Variants in MSRA observed in about 807,000 individuals in gnomAD.
MSRA encodes the protein methionine sulfoxide reductase A, also known as mitochondrial peptide methionine sulfoxide reductase.
Under a neutral mutation model 31.3 loss-of-function variants are expected in MSRA, and 54 were observed. The observed-to-expected ratio is 1.73, with a 90% CI of 1.39 to 2.17. The LOEUF is 2.17. MSRA is among the 30% of genes most tolerant of loss of function. The pLI is 0.00. For synonymous variants in MSRA, 169 were observed against 116.5 expected (o/e 1.45, Z -2.90); for missense variants, 507 against 300.9 (o/e 1.69, Z -5.07).
chr8:10,197,266 G>A (rs1452835508), intron 1 of MSRA, among the ~76,000 whole-genome samples: 1 of 152,128 alleles, frequency 6.6e-6, no homozygotes, highest in Non-Finnish European at 1.5e-5. Context: ...TATCACAGAC[G>A]CCTAAGTTAG....
chr8:10,067,578 T>C (rs1247707991), intron 1 of MSRA, among the ~76,000 whole-genome samples: 1 of 152,250 alleles, frequency 6.6e-6, no homozygotes. Context: ...TTGTATGGTA[T>C]ATGTAGTTCC....
At chr8:10,363,102 C>G (rs550383707) in intron 5 of MSRA, among the ~76,000 whole-genome samples, 1 of 152,198 alleles carries the variant, frequency 6.6e-6, no homozygotes, top group African/African-American at 2.4e-5. Flanking sequence ...ATTTTCCCCC[C>G]AGAAATGTCC....
intron 1 of MSRA, among the ~76,000 whole-genome samples, chr8:10,135,371 G>C (rs963401332): frequency 6.6e-6 from 1 of 152,156 alleles, no homozygotes; most frequent in Non-Finnish European, 1.5e-5. Flanking sequence ...AGAGAGTTTT[G>C]CCAGTTCCAT....
At chr8:10,130,621 C>T (rs1391442122) in intron 1 of MSRA, among the ~76,000 whole-genome samples, 1 of 152,192 alleles carries the variant, frequency 6.6e-6, no homozygotes, top group East Asian at 1.9e-4. Flanking sequence ...TATGCACACA[C>T]ACAGAGACCG....
intron 3 of MSRA, among the ~76,000 whole-genome samples, chr8:10,294,517 A>G (rs2129119780): frequency 6.6e-6 from 1 of 152,248 alleles, no homozygotes; most frequent in Middle Eastern, 3.4e-3. Context: ...CACAGCTGCT[A>G]AGTGACCAGG....
intron 5 of MSRA, among the ~76,000 whole-genome samples, chr8:10,403,478 G>C (rs1807593513): frequency 6.6e-6 from 1 of 152,248 alleles, no homozygotes; most frequent in Non-Finnish European, 1.5e-5. Context: ...GCTAGGCCCT[G>C]GCTGGGACTA....
chr8:10,178,242 G>A (rs993833204), intron 1 of MSRA, among the ~76,000 whole-genome samples: 4 of 152,076 alleles, frequency 2.6e-5, no homozygotes, highest in African/African-American at 9.6e-5. Flanking sequence ...GATAGATTTC[G>A]CTTAGTTTAC....
chr8:10,317,356 G>T (rs1459373629), intron 4 of MSRA, among the ~76,000 whole-genome samples: 1 of 152,172 alleles, frequency 6.6e-6, no homozygotes, highest in Non-Finnish European at 1.5e-5. Context: ...AAGATGAGCT[G>T]AGGCTTAGGA....
At chr8:10,334,622 C>A (rs942083213) in intron 5 of MSRA, among the ~76,000 whole-genome samples, 5 of 152,150 alleles carry the variant, frequency 3.3e-5, no homozygotes. Context: ...TTTCCGCCAC[C>A]GAGGCAATGT....
chr8:10,187,174 A>T (rs80162356), intron 1 of MSRA, among the ~76,000 whole-genome samples: 113 of 152,342 alleles, frequency 7.4e-4, no homozygotes, highest in African/African-American at 2.4e-3. Flanking sequence ...TGGTACGACC[A>T]GCCGCTGATT....
At chr8:10,089,994 C>G (rs1798777673) in intron 1 of MSRA, among the ~76,000 whole-genome samples, 1 of 152,168 alleles carries the variant, frequency 6.6e-6, no homozygotes, top group African/African-American at 2.4e-5. Flanking sequence ...CAACATGAGA[C>G]TTGGTGGGGA....
At chr8:10,375,789 C>G (rs1273722165) in intron 5 of MSRA, among the ~76,000 whole-genome samples, 1 of 152,222 alleles carries the variant, frequency 6.6e-6, no homozygotes, top group Non-Finnish European at 1.5e-5. Flanking sequence ...ACACAAATGC[C>G]TGGTCATGGT....
At chr8:10,298,878 T>C (rs895216551) in intron 3 of MSRA, among the ~76,000 whole-genome samples, 1 of 152,210 alleles carries the variant, frequency 6.6e-6, no homozygotes, top group African/African-American at 2.4e-5. Flanking sequence ...TATATATCTT[T>C]TCTATTAGTT....
At chr8:10,385,581 A>G (rs1806336332) in intron 5 of MSRA, among the ~76,000 whole-genome samples, 1 of 152,126 alleles carries the variant, frequency 6.6e-6, no homozygotes, top group East Asian at 1.9e-4. Flanking sequence ...GTCTTAAAAG[A>G]TTACTCTGTG....
At position 10,240,519 on chromosome 8, in the gene MSRA, T is replaced by G. The variant is rs1471154712; in HGVS notation, c.212-4585T>G. Among the ~76,000 whole-genome samples the G allele has an allele frequency of 2.6e-5, 4 of 152,054 alleles. No homozygotes were observed. The East Asian group carries it at 7.8e-4, about 29-fold the overall frequency. On this transcript the variant is annotated intron_variant, in intron 2 of 5. Coordinates refer to ENST00000317173, the MANE Select transcript of MSRA (RefSeq NM_012331.5). The stretch of plus-strand genomic sequence containing the variant: ...ATGCCCTCTGGCTGGCATTATCATG[T>G]GGTAAAGAGATCTTCATGCTGCATA...
At chr8:10,066,861 T>G (rs1797478505) in intron 1 of MSRA, among the ~76,000 whole-genome samples, 1 of 151,414 alleles carries the variant, frequency 6.6e-6, no homozygotes, top group South Asian at 2.1e-4. Context: ...AGTATGTTCT[T>G]TTATCTTAAA....
At chr8:10,423,363 A>G (rs1456131185) in intron 5 of MSRA, among the ~76,000 whole-genome samples, 1 of 152,090 alleles carries the variant, frequency 6.6e-6, no homozygotes, top group Non-Finnish European at 1.5e-5. Context: ...GTAACACGCT[A>G]CCTAGGAACC....
chr8:10,137,070 C>A (rs761343337), intron 1 of MSRA, among the ~76,000 whole-genome samples: 4 of 152,160 alleles, frequency 2.6e-5, no homozygotes, highest in Non-Finnish European at 5.9e-5. Flanking sequence ...GACAAAAATT[C>A]GCTTCCATCC....
chr8:10,065,259 C>A (rs1797400024), intron 1 of MSRA, among the ~76,000 whole-genome samples: 1 of 152,180 alleles, frequency 6.6e-6, no homozygotes, highest in Non-Finnish European at 1.5e-5. Flanking sequence ...GGCAGTCTGT[C>A]CCTGCTAGCC....
Sources: allele counts gnomAD v4.1 joint callset (sites outside exome capture counted in the v4.1 genomes callset), GRCh38; gene constraint gnomAD v4.1.1; transcripts MANE v1.5; gene names NCBI Gene and HGNC (gene_info 2026-07-23, HGNC 2026-07-21).